TSEN15: variants seen among roughly 807,000 people sequenced by gnomAD.
TSEN15 encodes the protein tRNA-splicing endonuclease subunit Sen15.
TSEN15 carries 10 observed loss-of-function variants against 20.5 expected under a neutral mutation model. That is an observed-to-expected ratio of 0.49 (90% CI 0.30 to 0.83). TSEN15 has a LOEUF of 0.83. Among genes scored for constraint, TSEN15 ranks in the 40% least tolerant of loss-of-function variants. The pLI, the probability that TSEN15 is intolerant of heterozygous loss-of-function variation, is 0.06. For synonymous variants in TSEN15, 72 were observed against 80.1 expected, an observed-to-expected ratio of 0.90 and a Z score of 0.54; for missense variants, 180 against 218.6, an observed-to-expected ratio of 0.82 and a Z score of 1.11.
At chr1:184,094,229 A>G (rs988171663) in intron 3 of TSEN15, 1 of 152,244 alleles carries the variant, frequency 6.6e-6, no homozygotes, top group East Asian at 1.9e-4. Flanking sequence ...CACATAGCTC[A>G]TATGTGATAT....
At chr1:184,056,026 T>C (rs1650239914) in intron 3 of TSEN15, among the ~76,000 whole-genome samples, 1 of 152,080 alleles carries the variant, frequency 6.6e-6, no homozygotes, top group South Asian at 2.1e-4. Flanking sequence ...TAATATTATA[T>C]TACTAAAATT....
At chr1:184,053,169 A>G (rs1473429555) in intron 1 of TSEN15, among the ~76,000 whole-genome samples, 1 of 152,194 alleles carries the variant, frequency 6.6e-6, no homozygotes, top group Non-Finnish European at 1.5e-5. Context: ...CACCTTGACC[A>G]TCAAATCTCC....
chr1:184,092,877 C>A (rs973277183), intron 3 of TSEN15, among the ~76,000 whole-genome samples: 4 of 152,142 alleles, frequency 2.6e-5, no homozygotes, highest in African/African-American at 7.2e-5. Context: ...CTGAAAGCAC[C>A]GTTGTGTTTG....
intron 3 of TSEN15, among the ~76,000 whole-genome samples, chr1:184,057,252 T>G (rs1328873846): frequency 6.6e-6 from 1 of 152,052 alleles, no homozygotes; most frequent in Non-Finnish European, 1.5e-5. Context: ...AAGGATGGAT[T>G]CAAGAGGATA....
intron 3 of TSEN15, 143 bp downstream of exon 3, chr1:184,055,006 T>C (rs975428149): frequency 1.8e-5 from 16 of 908,870 alleles, no homozygotes; most frequent in Non-Finnish European, 2.6e-5. Context: ...AAGTTAAATA[T>C]GAGTGTTGTA....
chr1:184,060,916 A>G (rs905055593), intron 3 of TSEN15, among the ~76,000 whole-genome samples: 2 of 152,124 alleles, frequency 1.3e-5, no homozygotes, highest in African/African-American at 4.8e-5. Context: ...AACGTCTAGA[A>G]CTCTTGTAAT....
intron 3 of TSEN15, among the ~76,000 whole-genome samples, chr1:184,056,328 A>T (rs151117073): frequency 1.2e-4 from 18 of 152,230 alleles, no homozygotes; most frequent in African/African-American, 4.3e-4. Flanking sequence ...CTTATTACTC[A>T]TAATACTGAA....
At chr1:184,065,394 C>T (rs1457226846) in intron 3 of TSEN15, among the ~76,000 whole-genome samples, 2 of 152,132 alleles carry the variant, frequency 1.3e-5, no homozygotes, top group African/African-American at 2.4e-5. Context: ...TTGTCATTTA[C>T]ACTAGGGTTT....
intron 3 of TSEN15, among the ~76,000 whole-genome samples, chr1:184,055,980 A>G (rs552679304): frequency 1.1e-4 from 17 of 151,720 alleles, no homozygotes; most frequent in African/African-American, 4.1e-4. Flanking sequence ...AACTTTAATT[A>G]AAAAATCTTA....
chr1:184,081,971 G>A (rs1651177583), intron 3 of TSEN15, among the ~76,000 whole-genome samples: 1 of 152,202 alleles, frequency 6.6e-6, no homozygotes, highest in South Asian at 2.1e-4. Flanking sequence ...AAAGAAAGCA[G>A]TTGTGCCTAT....
chr1:184,078,440 G>A (rs147662287), downstream of TSEN15, among the ~76,000 whole-genome samples: 36 of 152,188 alleles, frequency 2.4e-4, no homozygotes, highest in Admixed American at 3.9e-4. Context: ...AAGGTATGCC[G>A]GTATAAACTT....
At chr1:184,082,466 T>TG (rs1239556052) in intron 3 of TSEN15, among the ~76,000 whole-genome samples, 2 of 152,112 alleles carry the variant, frequency 1.3e-5, no homozygotes, top group Non-Finnish European at 2.9e-5. Context: ...CTGAGATATG[T>TG]GGAGTATGTG....
At chr1:184,087,468 C>G (rs992247602) in intron 3 of TSEN15, among the ~76,000 whole-genome samples, 1 of 152,132 alleles carries the variant, frequency 6.6e-6, no homozygotes, top group Non-Finnish European at 1.5e-5. Context: ...TAATCTGTAT[C>G]CATTGTCCAA....
rs188958906 is a variant in TSEN15 at position 184,058,324 on chromosome 1, A to G, written c.353+3461A>G. On this transcript the variant is annotated intron_variant, in intron 3 of 4. Coordinates refer to ENST00000645668, the MANE Select transcript of TSEN15 (RefSeq NM_052965.4). ...TGTTTTTATATAAATATTCTTAACT[A>G]TATTATACAGTAGAATACTAATATA... is the stretch of plus-strand genomic sequence containing the variant. 483 of 287,050 alleles carry G rather than the reference A, an allele frequency of 1.7e-3. 1 individual carries two copies. The highest frequency in any genetic ancestry group is 2.5e-3 in the Non-Finnish European group (369 of 148,432). The allele number at this position is 287,050 out of a possible 1,614,324, so 17.8% of individuals were successfully genotyped here.
chr1:184,083,960 A>T (rs1651216021), intron 3 of TSEN15, among the ~76,000 whole-genome samples: 1 of 152,084 alleles, frequency 6.6e-6, no homozygotes, highest in Non-Finnish European at 1.5e-5. Context: ...TCCTCCCATC[A>T]TGGGCCTTAT....
downstream of TSEN15, among the ~76,000 whole-genome samples, chr1:184,074,875 G>A (rs141551892): frequency 3.1e-3 from 469 of 152,006 alleles, 2 homozygotes; most frequent in African/African-American, 7.4e-3. Flanking sequence ...CTTCCCCAGA[G>A]GACATGAAGA....
intron 3 of TSEN15, chr1:184,071,274 G>A (rs1010219149): frequency 1.5e-4 from 23 of 151,864 alleles, no homozygotes; most frequent in African/African-American, 5.1e-4. Context: ...CACAAAGGAT[G>A]GGGGAAGGAA....
intron 3 of TSEN15, among the ~76,000 whole-genome samples, chr1:184,085,972 GTATATGAAATA>G (rs1651254968): frequency 6.6e-6 from 1 of 152,136 alleles, no homozygotes; most frequent in Non-Finnish European, 1.5e-5. Context: ...ATGCAAAACT[GTATATGAAATA>G]TATTCTTATC....
At chr1:184,068,507 A>AT (rs912530832) in intron 3 of TSEN15, among the ~76,000 whole-genome samples, 44 of 151,186 alleles carry the variant, frequency 2.9e-4, no homozygotes, top group African/African-American at 9.9e-4. Context: ...CTGATACAGC[A>AT]TTTTTTTTTC....
Sources: gnomAD v4.1 joint callset for allele counts (sites outside exome capture counted in the v4.1 genomes callset) on GRCh38, gnomAD v4.1.1 for gene constraint, MANE v1.5 for transcripts, NCBI Gene and HGNC (gene_info 2026-07-23, HGNC 2026-07-21) for gene names.